The following CHD8 variants were observed in gnomAD, a reference collection of about 807,000 sequenced individuals.
CHD8 encodes ATP-dependent chromatin remodeler CHD8.
CHD8 carries 31 observed loss-of-function variants against 279.2 expected under a neutral mutation model. The ratio of observed to expected loss-of-function variants is 0.11; its 90% confidence interval spans 0.08 to 0.15. The LOEUF is 0.15. Among genes scored for constraint, CHD8 ranks in the 10% least tolerant of loss-of-function variants. CHD8 has a pLI of 1.00. For synonymous variants in CHD8, 1,081 were observed against 1,139.6 expected (o/e 0.95, Z 1.04); for missense variants, 2,146 against 3,230.5 (o/e 0.66, Z 8.14).
intron 1 of CHD8, chr14:21,455,162 G>C (rs1162468101): frequency 6.6e-6 from 1 of 152,258 alleles, no homozygotes; most frequent in Non-Finnish European, 1.5e-5. Flanking sequence ...GAAAAAGACA[G>C]AGTTCTAAAT....
intron 14 of CHD8, among the ~76,000 whole-genome samples, chr14:21,406,576 T>C (rs1888262444): frequency 6.6e-6 from 1 of 152,180 alleles, no homozygotes; most frequent in East Asian, 1.9e-4. Flanking sequence ...ATGAAAAATA[T>C]AGTTGTTGTA....
intron 16 of CHD8, chr14:21,404,925 G>A: frequency 2.6e-4 from 91 of 348,380 alleles, no homozygotes; most frequent in Middle Eastern, 1.6e-3. Flanking sequence ...TCTGCCTTCT[G>A]GGTTCAAGCA....
chr14:21,404,889 T>C (rs1010003010), intron 16 of CHD8: 6 of 283,030 alleles, frequency 2.1e-5, no homozygotes, highest in Non-Finnish European at 3.3e-5. Context: ...TGGAGTGCAG[T>C]GGTGTGATCT....
intron 1 of CHD8, among the ~76,000 whole-genome samples, chr14:21,441,805 C>T (rs975852142): frequency 5.9e-5 from 9 of 152,182 alleles, no homozygotes; most frequent in South Asian, 2.1e-4. Flanking sequence ...AGGAGAATGG[C>T]ATGAACCCGG....
At chr14:21,441,065 G>A in intron 1 of CHD8, among the ~76,000 whole-genome samples, 1 of 152,174 alleles carries the variant, frequency 6.6e-6, no homozygotes, top group East Asian at 1.9e-4. Flanking sequence ...GAGGAAGTAT[G>A]CATGCACATG....
chr14:21,399,481 C>A (rs1486955200), intron 26 of CHD8, 121 bp downstream of exon 26: 2 of 713,844 alleles, frequency 2.8e-6, no homozygotes, highest in African/African-American at 1.8e-5. Flanking sequence ...TACTTTCCTA[C>A]TCAAATTTAT....
rs892825355 is a variant in CHD8 at position 21,405,099 on chromosome 14, C to T, written c.3307+110G>A. On this transcript the variant is annotated intron_variant, in intron 16 of 37. Transcript: ENST00000646647. The surrounding 1 kb of genome is among the most constrained non-coding windows in gnomAD (Gnocchi z 4.2). Reference sequence around the variant, plus strand: ...TTTCCCTCCCATTCCTCAGTCCGCACCCCAAATTAGGTTGGTTGAGTCAAT... The same window carrying T: ...TTTCCCTCCCATTCCTCAGTCCGCATCCCAAATTAGGTTGGTTGAGTCAAT... 10 of 1,060,292 alleles carry T rather than the reference C, an allele frequency of 9.4e-6. No homozygotes were observed. The Admixed American group carries it at 2.1e-4, about 22-fold the overall frequency. The allele number at this position is 1,060,292 out of a possible 1,614,324, so 65.7% of individuals were successfully genotyped here. A position where few individuals can be genotyped will look rare whatever the true frequency, so the allele number is the denominator to read the frequency against.
chr14:21,420,128 T>C (rs916273903), intron 5 of CHD8, among the ~76,000 whole-genome samples: 7 of 152,054 alleles, frequency 4.6e-5, no homozygotes, highest in African/African-American at 1.4e-4. Flanking sequence ...CTCTCCTCTT[T>C]GTGAAAACTA....
Position 21,405,953 on chromosome 14 carries a change from A to G in CHD8, c.2908-89T>C, listed in dbSNP as rs76492762. The G allele has an allele frequency of 6.5e-3, 6,276 of 963,970 alleles. 32 individuals carry two copies. The highest frequency in any genetic ancestry group is 7.7e-3 in the Non-Finnish European group (5,159 of 674,186). 59.7% of individuals were successfully genotyped at this position (963,970 alleles called of 1,614,324 possible). A position where few individuals can be genotyped will look rare whatever the true frequency, so the allele number is the denominator to read the frequency against. ...CAAGTATATAATCTTTAACATATAT[A>G]ACCTTTAATTTCTTTATCTATAAAA... is the stretch of plus-strand genomic sequence containing the variant. On this transcript the variant is annotated intron_variant, in intron 14 of 37. Transcript: ENST00000646647. The surrounding 1 kb of genome is among the most constrained non-coding windows in gnomAD (Gnocchi z 4.2).
chr14:21,442,361 G>A (rs1317909038), intron 1 of CHD8, among the ~76,000 whole-genome samples: 1 of 151,918 alleles, frequency 6.6e-6, no homozygotes. Flanking sequence ...GCTGCTTTCA[G>A]GGCTGAGGCA....
intron 27 of CHD8, among the ~76,000 whole-genome samples, chr14:21,396,342 T>G (rs1887782955): frequency 6.6e-6 from 1 of 152,142 alleles, no homozygotes; most frequent in South Asian, 2.1e-4. Context: ...AGTCTCACTC[T>G]GTAGGCCAGG....
intron 37 of CHD8, among the ~76,000 whole-genome samples, chr14:21,387,475 G>C (rs1011560335): frequency 4.0e-5 from 6 of 151,216 alleles, no homozygotes; most frequent in Non-Finnish European, 7.4e-5. Flanking sequence ...TCTACTAAAA[G>C]TACAACAAAT....
intron 5 of CHD8, among the ~76,000 whole-genome samples, chr14:21,418,089 C>A (rs900474499): frequency 7.9e-5 from 12 of 151,856 alleles, no homozygotes; most frequent in Non-Finnish European, 1.8e-4. Context: ...AAAAAATAAA[C>A]TACTCATTTA....
At chr14:21,421,014 G>A (rs965634235) in intron 5 of CHD8, among the ~76,000 whole-genome samples, 5 of 152,078 alleles carry the variant, frequency 3.3e-5, no homozygotes, top group Non-Finnish European at 5.9e-5. Flanking sequence ...CACCTGCCTC[G>A]GCCTCCCAAG....
Position 21,431,695 on chromosome 14 carries a change from G to GT in CHD8, c.-53_-52insA. 6.3e-7 allele frequency: 1 copy of GT among 1,592,328 alleles called. No homozygotes were observed. Among genetic ancestry groups the GT allele is most frequent in the South Asian group, 1.1e-5 (1 of 89,088 alleles). On this transcript the variant is annotated 5_prime_UTR_variant, in exon 2 of 38. Coordinates refer to ENST00000646647, the MANE Select transcript of CHD8 (RefSeq NM_001170629.2). Reference sequence around the variant, plus strand: ...TCCAAGGTCTAGGGAGGGAAGGGGAGGGGGGGTACTGGCTCTCCCCTCCCC... The same window carrying GT: ...TCCAAGGTCTAGGGAGGGAAGGGGAGTGGGGGGTACTGGCTCTCCCCTCCCC...
At chr14:21,444,909 C>A (rs954737375) in intron 1 of CHD8, among the ~76,000 whole-genome samples, 4 of 152,130 alleles carry the variant, frequency 2.6e-5, no homozygotes, top group African/African-American at 9.7e-5. Flanking sequence ...CACCTTTGAA[C>A]TCTTGGTCTG....
chr14:21,402,525 AGGAAAGG>A lies in CHD8; in HGVS notation c.3715-29_3715-23del, dbSNP rs1259591706. 6.4e-7 allele frequency: 1 copy of A among 1,560,828 alleles called. No individual in the cohort carries two copies. Among genetic ancestry groups the A allele is most frequent in the Non-Finnish European group, 8.7e-7 (1 of 1,155,830 alleles). On this transcript the variant is annotated intron_variant, in intron 18 of 37. Transcript: ENST00000646647. The surrounding 1 kb of genome is among the most constrained non-coding windows in gnomAD (Gnocchi z 4.5). ...GGGCCTGGTTTAAAATAAAAACGAA[AGGAAAGG>A]AGAAAGATATCATAAAATTAGCAAG...
At chr14:21,433,019 G>A (rs1889629697) in intron 1 of CHD8, among the ~76,000 whole-genome samples, 1 of 152,106 alleles carries the variant, frequency 6.6e-6, no homozygotes, top group East Asian at 1.9e-4. Context: ...CCACAACTCT[G>A]TACCATGGCC....
At chr14:21,406,149 C>T (rs1888246171) in intron 14 of CHD8, among the ~76,000 whole-genome samples, 1 of 152,136 alleles carries the variant, frequency 6.6e-6, no homozygotes, top group African/African-American at 2.4e-5. Flanking sequence ...TCCAATTACA[C>T]ATGTCTCTCC....
Sources: allele counts gnomAD v4.1 joint callset (sites outside exome capture counted in the v4.1 genomes callset), GRCh38; gene constraint gnomAD v4.1.1; non-coding constraint Gnocchi (gnomAD v3.1); transcripts MANE v1.5; gene names NCBI Gene and HGNC (gene_info 2026-07-23, HGNC 2026-07-21).